Variants in CD164 observed in about 807,000 individuals in gnomAD.
The protein encoded by CD164 is CD164 molecule.
CD164 carries 11 observed loss-of-function variants against 24.6 expected under a neutral mutation model. The ratio of observed to expected loss-of-function variants is 0.45; its 90% CI spans 0.28 to 0.74. The LOEUF (loss-of-function observed/expected upper bound fraction) is 0.74, where lower values mean the gene tolerates loss of function less well. Ranked by LOEUF, CD164 falls within the 30% of genes least tolerant of loss-of-function variation. The pLI is 0.13. For missense variants in CD164, 295 were observed against 243.7 expected (o/e 1.21, Z -1.40); for synonymous variants, 126 against 100.3 (o/e 1.26, Z -1.53).
rs952944938 is a variant in CD164, at chr6:109,382,430, T to A, written c.-52A>T. 10 of 1,443,790 alleles carry A rather than the reference T, an allele frequency of 6.9e-6. No individual in the cohort carries two copies. Among genetic ancestry groups the A allele is most frequent in the Non-Finnish European group, 9.2e-6 (10 of 1,090,396 alleles). The allele number at this position is 1,443,790 out of a possible 1,614,324, so 89.4% of individuals were successfully genotyped here. On this transcript the variant is annotated 5_prime_UTR_variant, in exon 1 of 6. Transcript: ENST00000310786. ...GAAAGCTAAGGCTCGCAACGCTCAG[T>A]CAACCCCTCAATCCCCTGCGGCGCC...
intron 4 of CD164, 121 bp downstream of exon 4, chr6:109,375,953 T>G: frequency 1.3e-6 from 1 of 745,864 alleles, no homozygotes; most frequent in Non-Finnish European, 2.2e-6. Context: ...TCCAAGACTT[T>G]TAAGTTTTTA....
chr6:109,375,626 A>AAAAAAAAAAAAAAAAAG (rs1554215557), intron 4 of CD164, among the ~76,000 whole-genome samples: 111 of 147,706 alleles, frequency 7.5e-4, no homozygotes, highest in African/African-American at 2.0e-3. Flanking sequence ...CCAAAAAAAA[A>AAAAAAAAAAAAAAAAAG]AAAAGAAAAG....
Position 109,381,913 on chromosome 6 carries a change from G to A in CD164, c.175+291C>T, listed in dbSNP as rs374463815. 250 of 440,396 alleles carry A rather than the reference G, an allele frequency of 5.7e-4. 3 individuals carry two copies. In the East Asian group the frequency reaches 9.0e-3, roughly 16 times the overall value. The allele number at this position is 440,396 out of a possible 1,614,324, so 27.3% of individuals were successfully genotyped here. A position where few individuals can be genotyped will look rare whatever the true frequency, so the allele number is the denominator to read the frequency against. On this transcript the variant is annotated intron_variant, in intron 1 of 5. Coordinates refer to ENST00000310786, the MANE Select transcript of CD164 (RefSeq NM_006016.6). ...CCATTTCCGACCCCAAGTGAGGCTA[G>A]GAATTACGATGCACTTTTAAAAGGC...
At position 109,368,248 on chromosome 6, in the gene CD164, A is replaced by T; in HGVS notation, c.*603T>A. 1 of 1,522,220 alleles carries T rather than the reference A, an allele frequency of 6.6e-7. No homozygotes were observed. The highest frequency in any genetic ancestry group is 8.8e-7 in the Non-Finnish European group (1 of 1,131,662). The allele number at this position is 1,522,220 out of a possible 1,614,324, so 94.3% of individuals were successfully genotyped here. A position where few individuals can be genotyped will look rare whatever the true frequency, so the allele number is the denominator to read the frequency against. The stretch of plus-strand genomic sequence containing the variant: ...ATAAGATGCTTTACAAGTATGAACA[A>T]TAATCTGTTATACACACTAATGGTA... On this transcript the variant is annotated 3_prime_UTR_variant, in exon 6 of 6. Coordinates refer to ENST00000310786, the MANE Select transcript of CD164 (RefSeq NM_006016.6).
Position 109,382,304 on chromosome 6 carries a change from C to A in CD164, c.75G>T (p.Lys25Asn). The change falls in exon 1 of 6, where the codon AAG (lysine) becomes AAT (asparagine). Residue 25 changes from lysine to asparagine, a missense_variant. By Grantham distance (94) the Lys-to-Asn change is moderately conservative (BLOSUM62 0). Coordinates refer to ENST00000310786, the MANE Select transcript of CD164 (RefSeq NM_006016.6). Reference sequence around the variant, plus strand: ...TCACGTTCGGGTGCTGGGTCGTGTTCTTGTCCGCGGACAGCACGCAGAGCA... The same window carrying A: ...TCACGTTCGGGTGCTGGGTCGTGTTATTGTCCGCGGACAGCACGCAGAGCA... ...LGVLCVLSAD[K>N]NTTQHPNVTT... 1 of 1,582,790 alleles carries A rather than the reference C, an allele frequency of 6.3e-7. No homozygotes were observed. The highest frequency in any genetic ancestry group is 8.6e-7 in the Non-Finnish European group (1 of 1,167,724).
Position 109,382,214 on chromosome 6 carries a change from AGTG to A in CD164, c.162_164del (p.Thr55del). On this transcript the variant is annotated inframe_deletion, in exon 1 of 6. Coordinates refer to ENST00000310786, the MANE Select transcript of CD164 (RefSeq NM_006016.6). ...AGGGCCCGCGCCCACCTGGTGCCGG[AGTG>A]GTGACCAGCGGGAGGGACGTCACCG... 5 of 1,565,814 alleles carry A rather than the reference AGTG, an allele frequency of 3.2e-6. No individual in the cohort carries two copies. The highest frequency in any genetic ancestry group is 4.3e-6 in the Non-Finnish European group (5 of 1,161,524).
chr6:109,368,902 G>T lies in CD164; in HGVS notation c.543C>A (p.Phe181Leu). ...TAGATTTGCAGAATTTATAAAGAAA[G>T]AAAATTACAGCCTGCACACCCAAGA... The part of the protein sequence containing the change: ...VLVLGVQAVI[F>L]FLYKFCKSKE... The change falls in exon 6 of 6, where the codon TTC becomes TTA. Residue 181 changes from phenylalanine to leucine, a missense_variant. Transcript: ENST00000310786. 1 of 1,613,246 alleles carries T rather than the reference G, an allele frequency of 6.2e-7. No homozygotes were observed. The highest frequency in any genetic ancestry group is 1.7e-5 in the Admixed American group (1 of 59,736).
chr6:109,373,581 AACT>A (rs1165612974), intron 4 of CD164, among the ~76,000 whole-genome samples: 7 of 152,206 alleles, frequency 4.6e-5, no homozygotes, highest in African/African-American at 1.4e-4. Context: ...AGCTGCAGAG[AACT>A]ACATCAAGAG....
intron 5 of CD164, among the ~76,000 whole-genome samples, chr6:109,369,882 G>C (rs899355553): frequency 1.3e-5 from 2 of 152,140 alleles, no homozygotes; most frequent in Non-Finnish European, 2.9e-5. Context: ...ACAGTATCCT[G>C]TGGCGTAACC....
At chr6:109,373,173 G>A (rs1379591428) in intron 4 of CD164, among the ~76,000 whole-genome samples, 1 of 152,100 alleles carries the variant, frequency 6.6e-6, no homozygotes, top group Non-Finnish European at 1.5e-5. Context: ...ATTTTTCTAG[G>A]CATGTATATA....
intron 3 of CD164, 129 bp downstream of exon 3, chr6:109,377,771 T>C: frequency 1.4e-6 from 1 of 707,970 alleles, no homozygotes; most frequent in Non-Finnish European, 2.5e-6. Context: ...ATACTATTCA[T>C]ATTCCAATTC....
chr6:109,373,619 C>G (rs1417671803), intron 4 of CD164, among the ~76,000 whole-genome samples: 1 of 152,146 alleles, frequency 6.6e-6, no homozygotes, highest in Non-Finnish European at 1.5e-5. Flanking sequence ...AAGAAATGAA[C>G]AACAGTTCTG....
At chr6:109,375,822 A>G in intron 4 of CD164, 2 of 368,762 alleles carry the variant, frequency 5.4e-6, no homozygotes, top group Middle Eastern at 7.2e-4. Context: ...AAATCTATAA[A>G]AAGTACTTTA....
chr6:109,380,494 G>A (rs1438492720), intron 1 of CD164: 1 of 152,224 alleles, frequency 6.6e-6, no homozygotes, highest in East Asian at 1.9e-4. Flanking sequence ...GTTCTGCAGA[G>A]GCACTGCTTT....
At chr6:109,376,227 A>C in intron 3 of CD164, 115 bp from the exon 4 acceptor site, 2 of 595,234 alleles carry the variant, frequency 3.4e-6, no homozygotes, top group Non-Finnish European at 5.5e-6. Context: ...AATTTTTACA[A>C]CACTTAAATA....
At chr6:109,369,203 G>C (rs1408713193) in intron 5 of CD164, among the ~76,000 whole-genome samples, 186 bp from the exon 6 acceptor site, 1 of 151,994 alleles carries the variant, frequency 6.6e-6, no homozygotes, top group Admixed American at 6.5e-5. Flanking sequence ...TTCCACCCAA[G>C]GATACAAAGT....
At position 109,368,909 on chromosome 6, in the gene CD164, A is replaced by G. The variant is rs1343185655; in HGVS notation, c.536T>C (p.Val179Ala). Residue 179 changes from valine (V) to alanine (A), a missense_variant, in exon 6 of 6, where the codon GTA (valine) becomes GCA (alanine). Physicochemically the swap from Val to Ala is moderately conservative, Grantham distance 64. Coordinates refer to ENST00000310786, the MANE Select transcript of CD164 (RefSeq NM_006016.6). ...GIVLVLGVQA[V>A]IFFLYKFCKS... ...GCAGAATTTATAAAGAAAGAAAATT[A>G]CAGCCTGCACACCCAAGACCAGGAC... The G allele has an allele frequency of 2.5e-6, 4 of 1,613,572 alleles. No homozygotes were observed. The highest frequency in any genetic ancestry group is 1.1e-5 in the South Asian group (1 of 91,046).
chr6:109,368,655 A>C lies in CD164; in HGVS notation c.*196T>G. 7.3e-7 allele frequency: 1 copy of C among 1,374,634 alleles called. No homozygotes were observed. Among genetic ancestry groups the C allele is most frequent in the South Asian group, 1.9e-5 (1 of 53,332 alleles). The allele number at this position is 1,374,634 out of a possible 1,614,324, so 85.2% of individuals were successfully genotyped here. On this transcript the variant is annotated 3_prime_UTR_variant, in exon 6 of 6. Transcript: ENST00000310786. ...CCACAGGATTCATGCAGAATATTTT[A>C]AATATTCCTGTTGAACACAATGATT...
chr6:109,368,616 T>G lies in CD164; in HGVS notation c.*235A>C. The stretch of plus-strand genomic sequence containing the variant: ...AATATAATCCCACAGCAGCAGCTAT[T>G]TAAAATAAGACAGCCACAGGATTCA... On this transcript the variant is annotated 3_prime_UTR_variant, in exon 6 of 6. Coordinates refer to ENST00000310786, the MANE Select transcript of CD164 (RefSeq NM_006016.6). 7.4e-7 allele frequency: 1 copy of G among 1,351,102 alleles called. No homozygotes were observed. Among genetic ancestry groups the G allele is most frequent in the East Asian group, 2.9e-5 (1 of 34,920 alleles). 83.7% of individuals were successfully genotyped at this position (1,351,102 alleles called of 1,614,324 possible).
Sources: gnomAD v4.1 joint callset for allele counts (sites outside exome capture counted in the v4.1 genomes callset) on GRCh38, gnomAD v4.1.1 for gene constraint, MANE v1.5 for transcripts, NCBI Gene and HGNC (gene_info 2026-07-23, HGNC 2026-07-21) for gene names.